The following NIBAN3 variants were observed in gnomAD, a reference collection of about 807,000 sequenced individuals.
NIBAN3 encodes protein Niban 3.
Under a neutral mutation model 76.4 loss-of-function variants are expected in NIBAN3, and 66 were observed. The ratio of observed to expected loss-of-function variants is 0.86; its 90% CI spans 0.71 to 1.06. The LOEUF (loss-of-function observed/expected upper bound fraction) is 1.06. Ranked by LOEUF, NIBAN3 falls within the 50% of genes least tolerant of loss-of-function variation. The pLI is 0.00. For synonymous variants in NIBAN3, 360 were observed against 355.2 expected (o/e 1.01, Z -0.15); for missense variants, 808 against 810.7 (o/e 1.00, Z 0.04).
chr19:17,543,207 G>C (rs2075986561), intron 10 of NIBAN3, 110 bp from the exon 11 acceptor site: 1 of 687,608 alleles, frequency 1.5e-6, no homozygotes, highest in Non-Finnish European at 2.5e-6. Flanking sequence ...GTTGGGCAGA[G>C]GTGGCTGGTT....
chr19:17,524,303 TGAGAC>T (rs879796039), upstream of NIBAN3, among the ~76,000 whole-genome samples: 150 of 151,580 alleles, frequency 9.9e-4, no homozygotes, highest in African/African-American at 3.3e-3. Context: ...TTCTTTTTTT[TGAGAC>T]AGAGTCTCGC....
In NIBAN3 at chr19:17,551,897, G is replaced by A. The variant is rs146701393; in HGVS notation, c.1862G>A (p.Ter621=). 1.1e-4 allele frequency: 89 copies of A among 777,126 alleles called. No homozygotes were observed. The highest frequency in any genetic ancestry group is 1.1e-3 in the African/African-American group (67 of 59,168). The allele number at this position is 777,126 out of a possible 1,614,324, so 48.1% of individuals were successfully genotyped here. A position where few individuals can be genotyped will look rare whatever the true frequency, so the allele number is the denominator to read the frequency against. ...PPPSPGTFRS[*] is the part of the protein sequence containing the mutation. The stretch of plus-strand genomic sequence containing the variant: ...CCTTCTCCAGGAACATTCCGGAGCT[G>A]AATCTTCACCCACATCTATCTTGTT... The change falls in exon 15 of 15, where the codon TGA becomes TAA. Residue 621 remains the stop codon, a stop_retained_variant. Coordinates refer to ENST00000599164, the MANE Select transcript of NIBAN3 (RefSeq NM_001321827.2).
chr19:17,537,416 G>C lies in NIBAN3; in HGVS notation c.468G>C (p.Val156=). ...TQEEPDSLLE[V]PVSFPLFLQH... ...AAGAGCCTGACTCCCTCTTGGAAGT[G>C]CCTGTGAGCTTCCCGCTGTTCCTGC... The change falls in exon 5 of 15, where the codon GTG becomes GTC. Residue 156 remains valine (V), a synonymous_variant. Coordinates refer to ENST00000599164, the MANE Select transcript of NIBAN3 (RefSeq NM_001321827.2). The C allele has an allele frequency of 6.2e-7, 1 of 1,614,122 alleles. No individual in the cohort carries two copies. The highest frequency in any genetic ancestry group is 8.5e-7 in the Non-Finnish European group (1 of 1,180,018).
chr19:17,529,852 G>C (rs2075680539), intron 1 of NIBAN3, among the ~76,000 whole-genome samples: 1 of 152,156 alleles, frequency 6.6e-6, no homozygotes, highest in Non-Finnish European at 1.5e-5. Flanking sequence ...TTGAGGCCAG[G>C]AGTTTGAGAC....
upstream of NIBAN3, among the ~76,000 whole-genome samples, chr19:17,526,052 T>TA (rs1037612661): frequency 7.6e-5 from 11 of 145,510 alleles, no homozygotes; most frequent in South Asian, 2.2e-4. Context: ...AGACACCGTT[T>TA]AAAAAAAAAA....
In NIBAN3 at chr19:17,540,615, A is replaced by G. The variant is rs995328902; in HGVS notation, c.1170+33A>G. 6 of 1,384,546 alleles carry G rather than the reference A, an allele frequency of 4.3e-6. No homozygotes were observed. In the South Asian group the frequency reaches 6.3e-5, roughly 14 times the overall value. 85.8% of individuals were successfully genotyped at this position (1,384,546 alleles called of 1,614,324 possible). On this transcript the variant is annotated intron_variant, in intron 9 of 14. Transcript: ENST00000599164. ...CCCGTGGGTAGGGGTTCAGTGAGCCAGAGGGTGATGTGTTAACTTGAGTCT... is the reference window on the plus strand; with the variant it reads ...CCCGTGGGTAGGGGTTCAGTGAGCCGGAGGGTGATGTGTTAACTTGAGTCT...
intron 2 of NIBAN3, 40 bp from the exon 3 acceptor site, chr19:17,532,223 C>A: frequency 6.3e-7 from 1 of 1,577,160 alleles, no homozygotes; most frequent in Admixed American, 1.8e-5. Context: ...GGGACATCAG[C>A]CCACAGCCCC....
At chr19:17,535,745 C>CAAA (rs1163900162) in intron 4 of NIBAN3, among the ~76,000 whole-genome samples, 2 of 85,998 alleles carry the variant, frequency 2.3e-5, no homozygotes, top group African/African-American at 8.9e-5. Context: ...AAGACTCTGT[C>CAAA]AAAAAAAAAA....
intron 7 of NIBAN3, 33 bp downstream of exon 7, chr19:17,539,484 C>A: frequency 6.9e-7 from 1 of 1,455,426 alleles, no homozygotes; most frequent in Non-Finnish European, 9.1e-7. Context: ...GGATAGGGGG[C>A]GGGATGCGGG....
chr19:17,530,921 A>AG, intron 2 of NIBAN3, 36 bp downstream of exon 2: 1 of 1,603,272 alleles, frequency 6.2e-7, no homozygotes, highest in East Asian at 2.3e-5. Context: ...TTTGAGTGTT[A>AG]GGGGAGGGTC....
chr19:17,544,594 AGCAT>A (rs2076016418), intron 12 of NIBAN3, among the ~76,000 whole-genome samples: 1 of 152,390 alleles, frequency 6.6e-6, no homozygotes, highest in South Asian at 2.1e-4. Flanking sequence ...CAGAGGGCAC[AGCAT>A]GTGCAAAGGC....
intron 14 of NIBAN3, among the ~76,000 whole-genome samples, chr19:17,550,348 T>C (rs376915285): frequency 2.6e-5 from 4 of 152,160 alleles, no homozygotes; most frequent in Middle Eastern, 3.4e-3. Flanking sequence ...TACACTAACT[T>C]GGATAAATAG....
At chr19:17,546,607 G>A (rs961013892) in intron 12 of NIBAN3, 79 bp from the exon 13 acceptor site, 16 of 1,390,418 alleles carry the variant, frequency 1.2e-5, no homozygotes, top group Non-Finnish European at 1.5e-5. Flanking sequence ...CAGGCCCAGG[G>A]CTAGGGCAGA....
chr19:17,539,981 G>A (rs1389802319), intron 8 of NIBAN3, among the ~76,000 whole-genome samples: 1 of 151,956 alleles, frequency 6.6e-6, no homozygotes, highest in Admixed American at 6.6e-5. Flanking sequence ...GGCACTGGGG[G>A]CGGGGCCTAG....
At position 17,537,562 on chromosome 19, in the gene NIBAN3, C is replaced by T. The variant is rs544780573; in HGVS notation, c.595+19C>T. On this transcript the variant is annotated intron_variant, in intron 5 of 14. Coordinates refer to ENST00000599164, the MANE Select transcript of NIBAN3 (RefSeq NM_001321827.2). The stretch of plus-strand genomic sequence containing the variant: ...GGCATAGGTGGGTCTCAGGACGGGT[C>T]AGACATTTGTGGGGCTAATGGTCTG... 1 of 1,558,016 alleles carries T rather than the reference C, an allele frequency of 6.4e-7. No individual in the cohort carries two copies. Among genetic ancestry groups the T allele is most frequent in the Non-Finnish European group, 8.6e-7 (1 of 1,156,392 alleles).
chr19:17,540,357 G>C, intron 8 of NIBAN3, 35 bp from the exon 9 acceptor site: 1 of 1,404,004 alleles, frequency 7.1e-7, no homozygotes, highest in Non-Finnish European at 9.4e-7. Context: ...GGCACCTTGC[G>C]GAGGGGACTC....
chr19:17,542,236 C>A lies in NIBAN3; in HGVS notation c.1271C>A (p.Pro424Gln), dbSNP rs765155411. The part of the protein sequence containing the change: ...SRGRLGQLAA[P>Q]FGFLGMQSLV... Reference sequence around the variant, plus strand: ...GGGCGCTTGGGGCAGCTGGCAGCACCGTTTGGCTTTCTGGGGATGCAGAGC... The same window carrying A: ...GGGCGCTTGGGGCAGCTGGCAGCACAGTTTGGCTTTCTGGGGATGCAGAGC... The change falls in exon 10 of 15, where the codon CCG becomes CAG. Residue 424 changes from proline to glutamine, a missense_variant. Pro to Gln is a moderately conservative substitution (Grantham distance 76). Transcript: ENST00000599164. This position sits in a 1 kb window ranked among gnomAD's most constrained non-coding sequence, Gnocchi z 4.8. 1 of 1,609,076 alleles carries A rather than the reference C, an allele frequency of 6.2e-7. No homozygotes were observed. The highest frequency in any genetic ancestry group is 8.5e-7 in the Non-Finnish European group (1 of 1,179,728).
chr19:17,531,900 G>A (rs2075732502), intron 2 of NIBAN3, among the ~76,000 whole-genome samples: 1 of 152,230 alleles, frequency 6.6e-6, no homozygotes, highest in Non-Finnish European at 1.5e-5. Flanking sequence ...TTGGTAGACA[G>A]GTCTTTGACT....
Position 17,527,325 on chromosome 19 carries a change from G to A in NIBAN3, c.-16G>A, listed in dbSNP as rs537904683. 3.9e-4 allele frequency: 603 copies of A among 1,550,586 alleles called. 4 individuals are homozygous for A. Among genetic ancestry groups the A allele is most frequent in the East Asian group, 1.2e-4 (5 of 40,918 alleles). ...TCGTGGGGAAGGGAAGAGGAGCCCCGGGAGACGACAGCAGCATGGGTGGGC... is the reference window on the plus strand; with the variant it reads ...TCGTGGGGAAGGGAAGAGGAGCCCCAGGAGACGACAGCAGCATGGGTGGGC... On this transcript the variant is annotated 5_prime_UTR_variant, in exon 1 of 15. Coordinates refer to ENST00000599164, the MANE Select transcript of NIBAN3 (RefSeq NM_001321827.2).
Sources: allele counts gnomAD v4.1 joint callset (sites outside exome capture counted in the v4.1 genomes callset), GRCh38; gene constraint gnomAD v4.1.1; non-coding constraint Gnocchi (gnomAD v3.1); transcripts MANE v1.5; gene names NCBI Gene and HGNC (gene_info 2026-07-23, HGNC 2026-07-21).